PRICKLE2: variants seen among roughly 807,000 people sequenced by gnomAD.
The protein encoded by PRICKLE2 is prickle planar cell polarity protein 2, also known as prickle-like protein 2.
In PRICKLE2, 21 loss-of-function variants were observed where a neutral mutation model predicts 81.4. The ratio of observed to expected loss-of-function variants is 0.26; its 90% CI spans 0.18 to 0.37. The LOEUF (loss-of-function observed/expected upper bound fraction) is 0.37, where lower values mean the gene tolerates loss of function less well. Among genes scored for constraint, PRICKLE2 ranks in the 10% least tolerant of loss-of-function variants. PRICKLE2 has a pLI of 1.00. For missense variants in PRICKLE2, 940 were observed against 1,109.0 expected (o/e 0.85, Z 2.16); for synonymous variants, 456 against 421.5 (o/e 1.08, Z -1.00).
At chr3:64,223,598 C>T (rs1344674252) in intron 1 of PRICKLE2, among the ~76,000 whole-genome samples, 1 of 152,140 alleles carries the variant, frequency 6.6e-6, no homozygotes, top group Non-Finnish European at 1.5e-5. Context: ...ACTGAGATGC[C>T]CGATGGAGCC....
intron 7 of PRICKLE2, among the ~76,000 whole-genome samples, chr3:64,139,178 AG>A (rs2077322056): frequency 9.1e-6 from 1 of 109,652 alleles, no homozygotes; most frequent in African/African-American, 3.4e-5. Flanking sequence ...TGTGTAGATG[AG>A]GTGTGTAAAA....
intron 2 of PRICKLE2, among the ~76,000 whole-genome samples, chr3:64,165,914 G>T (rs189899194): frequency 9.6e-4 from 146 of 151,420 alleles, no homozygotes; most frequent in Non-Finnish European, 1.9e-3. Flanking sequence ...GAATACAATG[G>T]TATTAAAGCT....
At chr3:64,258,391 A>G (rs2079559427) in intron 2 of PRICKLE2, among the ~76,000 whole-genome samples, 1 of 152,196 alleles carries the variant, frequency 6.6e-6, no homozygotes, top group African/African-American at 2.4e-5. Flanking sequence ...AACTAAAATG[A>G]AGGATCTACA....
Position 64,146,981 on chromosome 3 carries a change from A to G in PRICKLE2, c.1509T>C (p.Tyr503=). The G allele has an allele frequency of 6.2e-7, 1 of 1,613,816 alleles. No individual in the cohort carries two copies. Among genetic ancestry groups the G allele is most frequent in the South Asian group, 1.1e-5 (1 of 91,054 alleles). Residue 503 remains tyrosine, a synonymous_variant, in exon 7 of 8, where the codon TAT becomes TAC. Coordinates refer to ENST00000638394, the MANE Select transcript of PRICKLE2 (RefSeq NM_198859.4). ...ETRGSIQVPK[Y]EEEEEEEGGL... is the part of the protein sequence containing the mutation. ...CCCCTTCCTCTTCCTCTTCCTCCTC[A>G]TATTTGGGGACTTGGATGCTGCCTC...
chr3:64,185,136 T>C (rs2078201171), intron 2 of PRICKLE2, among the ~76,000 whole-genome samples: 1 of 152,208 alleles, frequency 6.6e-6, no homozygotes, highest in African/African-American at 2.4e-5. Flanking sequence ...TTCACAATTT[T>C]GATCATCAAC....
chr3:64,147,608 C>A lies in PRICKLE2; in HGVS notation c.882G>T (p.Gly294=). ...CCAHCKKSLL[G]RPFLPKQGQI... ...GGCCCTGCTTCGGGAGGAATGGCCG[C>A]CCCAGGAGGGATTTCTTGCAGTGAG... The change falls in exon 7 of 8, where the codon GGG becomes GGT. Residue 294 remains glycine (G), a synonymous_variant. Transcript: ENST00000638394. This position sits in a 1 kb window ranked among gnomAD's most constrained non-coding sequence, Gnocchi z 5.0. The A allele has an allele frequency of 6.2e-7, 1 of 1,614,180 alleles. No homozygotes were observed. The highest frequency in any genetic ancestry group is 1.1e-5 in the South Asian group (1 of 91,080).
intron 2 of PRICKLE2, chr3:64,267,881 T>G (rs704420): frequency 0.9 from 136,929 of 152,262 alleles, 61,870 homozygotes; most frequent in East Asian, 1. Context: ...GCTCCCCGGC[T>G]ATGGGGGGGC....
At chr3:64,155,373 A>T (rs1036266648) in intron 5 of PRICKLE2, among the ~76,000 whole-genome samples, 1 of 151,758 alleles carries the variant, frequency 6.6e-6, no homozygotes, top group Non-Finnish European at 1.5e-5. Context: ...AATGAAAAAA[A>T]AAAACAGATA....
At chr3:64,153,955 GTGTT>G (rs2077586181) in intron 5 of PRICKLE2, 1 of 154,520 alleles carries the variant, frequency 6.5e-6, no homozygotes, top group Non-Finnish European at 1.4e-5. Context: ...GCCCTCACAA[GTGTT>G]TGCATTTTCC....
chr3:64,228,397 G>T (rs1257348801), upstream of PRICKLE2, among the ~76,000 whole-genome samples: 1 of 152,140 alleles, frequency 6.6e-6, no homozygotes, highest in East Asian at 1.9e-4. Context: ...GCCAGCACAC[G>T]CTCTGTGAGC....
chr3:64,179,961 G>C (rs1344304798), intron 2 of PRICKLE2, among the ~76,000 whole-genome samples: 3 of 152,204 alleles, frequency 2.0e-5, no homozygotes, highest in African/African-American at 7.2e-5. Context: ...TCAATGAGCA[G>C]TGTAGTCACA....
intron 1 of PRICKLE2, among the ~76,000 whole-genome samples, chr3:64,221,966 A>G (rs1180925916): frequency 2.0e-5 from 3 of 152,208 alleles, no homozygotes; most frequent in African/African-American, 7.2e-5. Flanking sequence ...GATTTCCCAA[A>G]TACCTTGTTG....
chr3:64,203,734 C>T (rs1055874648), intron 1 of PRICKLE2, among the ~76,000 whole-genome samples: 4 of 151,218 alleles, frequency 2.6e-5, no homozygotes, highest in East Asian at 2.0e-4. Flanking sequence ...ACAAATAACT[C>T]GAGGTGGATG....
chr3:64,222,958 C>A (rs1441280060), intron 1 of PRICKLE2, among the ~76,000 whole-genome samples: 1 of 152,130 alleles, frequency 6.6e-6, no homozygotes, highest in Non-Finnish European at 1.5e-5. Flanking sequence ...TTTCATTATA[C>A]CAGCTGGTCA....
Position 64,147,454 on chromosome 3 carries a change from T to C in PRICKLE2, c.1036A>G (p.Lys346Glu). The change falls in exon 7 of 8, where the codon AAG becomes GAG. Residue 346 changes from lysine to glutamate, a missense_variant. By Grantham distance (56) the Lys-to-Glu change is moderately conservative (BLOSUM62 1). This residue lies in a region of PRICKLE2 where 670 missense variants were observed against 717.2 expected (regional missense o/e 0.93). Coordinates refer to ENST00000638394, the MANE Select transcript of PRICKLE2 (RefSeq NM_198859.4). The surrounding 1 kb of genome is among the most constrained non-coding windows in gnomAD (Gnocchi z 5.0). ...RSAKIGKNKG[K>E]TEEPMLNQHS... ...TGGTTCAGCATGGGCTCCTCCGTCT[T>C]GCCCTTGTTCTTGCCAATTTTGGCA... is the stretch of plus-strand genomic sequence containing the variant. 1 of 1,614,254 alleles carries C rather than the reference T, an allele frequency of 6.2e-7. No individual in the cohort carries two copies. The highest frequency in any genetic ancestry group is 8.5e-7 in the Non-Finnish European group (1 of 1,180,050).
intron 1 of PRICKLE2, among the ~76,000 whole-genome samples, chr3:64,201,212 AGCCACCAC>A (rs2078571863): frequency 6.6e-6 from 1 of 151,464 alleles, no homozygotes; most frequent in South Asian, 2.1e-4. Context: ...TACAGGCATG[AGCCACCAC>A]GCCTGGCCAA....
chr3:64,150,915 T>TCCTG (rs1301383636), intron 6 of PRICKLE2, among the ~76,000 whole-genome samples: 1 of 152,212 alleles, frequency 6.6e-6, no homozygotes, highest in African/African-American at 2.4e-5. Context: ...TCTGAACTGC[T>TCCTG]CCTGAACTCT....
intron 2 of PRICKLE2, among the ~76,000 whole-genome samples, chr3:64,250,990 A>T (rs2079439527): frequency 6.6e-6 from 1 of 152,194 alleles, no homozygotes; most frequent in Admixed American, 6.5e-5. Flanking sequence ...ACCATCTGAC[A>T]TGCTATATAT....
In PRICKLE2 at chr3:64,099,705, G is replaced by A. The variant is rs1312986478; in HGVS notation, c.1881C>T (p.Pro627=). ...GGGACTGCAGGTCTCTGTAGCCAAT[G>A]GGGTTGCTGAGCTGGTGGAGGTTTC... ...MEGNLHQLSN[P]IGYRDLQSHG... is the part of the protein sequence containing the mutation. The change falls in exon 8 of 8, where the codon CCC becomes CCT. Residue 627 remains proline, a synonymous_variant. Transcript: ENST00000638394. The surrounding 1 kb of genome is among the most constrained non-coding windows in gnomAD (Gnocchi z 4.3). 6.2e-7 allele frequency: 1 copy of A among 1,614,198 alleles called. No individual in the cohort carries two copies. Among genetic ancestry groups the A allele is most frequent in the Admixed American group, 1.7e-5 (1 of 60,034 alleles).
Sources: gnomAD v4.1 joint callset for allele counts (sites outside exome capture counted in the v4.1 genomes callset) on GRCh38, gnomAD v4.1.1 for gene constraint, gnomAD v4.1.1 regional missense constraint, Gnocchi (gnomAD v3.1) non-coding constraint, MANE v1.5 for transcripts, NCBI Gene and HGNC (gene_info 2026-07-23, HGNC 2026-07-21) for gene names.